AMN1: variants seen among roughly 807,000 people sequenced by gnomAD.
The protein encoded by AMN1 is protein AMN1 homolog.
In AMN1, 20 loss-of-function variants were observed where a neutral mutation model predicts 33.0. The ratio of observed to expected loss-of-function variants is 0.61; its 90% confidence interval spans 0.43 to 0.88. The LOEUF (loss-of-function observed/expected upper bound fraction) is 0.88. Among genes scored for constraint, AMN1 ranks in the 40% least tolerant of loss-of-function variants. The pLI is 0.00. For synonymous variants in AMN1, 114 were observed against 111.9 expected, an observed-to-expected ratio of 1.02 and a Z score of -0.12; for missense variants, 246 against 307.4, an observed-to-expected ratio of 0.80 and a Z score of 1.49.
At chr12:31,725,504 T>G (rs1156392865) in intron 1 of AMN1, among the ~76,000 whole-genome samples, 1 of 152,236 alleles carries the variant, frequency 6.6e-6, no homozygotes, top group Non-Finnish European at 1.5e-5. Context: ...GGTGAATTGA[T>G]CTAACAAATA....
chr12:31,708,511 TC>T (rs1224615534), intron 2 of AMN1: 2 of 152,856 alleles, frequency 1.3e-5, no homozygotes, highest in African/African-American at 4.8e-5. Context: ...TAGACCCTTA[TC>T]AGGAGTTCTG....
At chr12:31,684,597 A>G (rs1163911185) in intron 6 of AMN1, among the ~76,000 whole-genome samples, 2 of 151,670 alleles carry the variant, frequency 1.3e-5, no homozygotes, top group Non-Finnish European at 2.9e-5. Context: ...CAGCCTCCTG[A>G]ATAGCTGGGA....
intron 2 of AMN1, among the ~76,000 whole-genome samples, chr12:31,707,081 T>C (rs1376604227): frequency 6.6e-6 from 1 of 152,186 alleles, no homozygotes; most frequent in South Asian, 2.1e-4. Context: ...AAGAACAGTA[T>C]AGATGAGAAG....
At chr12:31,678,011 C>T (rs1276147314) in intron 6 of AMN1, among the ~76,000 whole-genome samples, 1 of 152,122 alleles carries the variant, frequency 6.6e-6, no homozygotes, top group Non-Finnish European at 1.5e-5. Context: ...CTGAACAGGC[C>T]TTGCTGGGTT....
At chr12:31,728,456 T>TA (rs1940170897) in intron 1 of AMN1, among the ~76,000 whole-genome samples, 1 of 152,206 alleles carries the variant, frequency 6.6e-6, no homozygotes, top group Admixed American at 6.5e-5. Flanking sequence ...AGGGAGAGGT[T>TA]ACGTTACCGG....
chr12:31,710,405 T>C (rs959196614), intron 1 of AMN1, among the ~76,000 whole-genome samples: 10 of 152,240 alleles, frequency 6.6e-5, no homozygotes, highest in African/African-American at 2.2e-4. Flanking sequence ...TGTGATCATA[T>C]ACCTGTGATT....
chr12:31,701,501 C>T lies in AMN1; in HGVS notation c.316+362G>A, dbSNP rs367839415. On this transcript the variant is annotated intron_variant, in intron 3 of 6. Coordinates refer to ENST00000281471, the MANE Select transcript of AMN1 (RefSeq NM_001113402.2). ...GTAGAGATGAGGTAGGGGTCGGGGG[C>T]GGTCCATCATGCTGGCCAGGCTGGC... 8.5e-5 allele frequency among the ~76,000 whole-genome samples: 13 copies of T among 152,082 alleles called. No individual in the cohort carries two copies. The East Asian group carries it at 1.6e-3, about 18-fold the overall frequency.
intron 6 of AMN1, among the ~76,000 whole-genome samples, chr12:31,677,828 T>C (rs1937802234): frequency 6.6e-6 from 1 of 152,108 alleles, no homozygotes; most frequent in African/African-American, 2.4e-5. Flanking sequence ...AAGGAAGACA[T>C]AAAACCTACA....
chr12:31,711,795 C>A (rs1229679759), intron 1 of AMN1, among the ~76,000 whole-genome samples: 1 of 152,148 alleles, frequency 6.6e-6, no homozygotes, highest in African/African-American at 2.4e-5. Context: ...CCCTACCCAT[C>A]TATTGAACAC....
At chr12:31,703,168 A>G (rs1166136860) in intron 2 of AMN1, among the ~76,000 whole-genome samples, 1 of 152,214 alleles carries the variant, frequency 6.6e-6, no homozygotes, top group African/African-American at 2.4e-5. Context: ...AGTAGCCAAC[A>G]TAAAGAACAT....
chr12:31,698,087 G>C, intron 3 of AMN1, 130 bp from the exon 4 acceptor site: 1 of 786,224 alleles, frequency 1.3e-6, no homozygotes, highest in South Asian at 1.8e-5. Flanking sequence ...CCACCTGTGA[G>C]GAAATACTGA....
At chr12:31,688,092 T>C (rs1023779900) in intron 6 of AMN1, among the ~76,000 whole-genome samples, 5 of 152,148 alleles carry the variant, frequency 3.3e-5, no homozygotes, top group Non-Finnish European at 5.9e-5. Flanking sequence ...GTAGCTGGGA[T>C]TACAGGTGCG....
chr12:31,693,808 C>G (rs1416917876), intron 5 of AMN1, among the ~76,000 whole-genome samples: 3 of 152,028 alleles, frequency 2.0e-5, no homozygotes, highest in African/African-American at 7.2e-5. Context: ...TCCCAAAGTG[C>G]TGGGATTACA....
At chr12:31,696,594 T>G (rs1938735795) in intron 5 of AMN1, among the ~76,000 whole-genome samples, 2 of 152,210 alleles carry the variant, frequency 1.3e-5, no homozygotes, top group African/African-American at 4.8e-5. Flanking sequence ...AGGTTACAAG[T>G]GCATTAGTGA....
rs562101616 is a variant in AMN1 at position 31,724,583 on chromosome 12, G to A, written c.38+4388C>T. Among the ~76,000 whole-genome samples, 35 of 152,120 alleles carry A rather than the reference G, an allele frequency of 2.3e-4. 1 individual carries two copies. The South Asian group carries it at 4.8e-3, about 21-fold the overall frequency. On this transcript the variant is annotated intron_variant, in intron 1 of 6. Transcript: ENST00000281471. Reference sequence around the variant, plus strand: ...TTGACTGCAGGTACCTGAAACTGCCGAAACAAAACAGCACATAAGGAGAGA... The same window carrying A: ...TTGACTGCAGGTACCTGAAACTGCCAAAACAAAACAGCACATAAGGAGAGA...
At chr12:31,682,963 C>CT (rs34868408) in intron 6 of AMN1, among the ~76,000 whole-genome samples, 9,475 of 137,814 alleles carry the variant, frequency 0.069, 663 homozygotes, top group East Asian at 0.18. Context: ...GTATGCTATT[C>CT]TTTTTTTTTT....
intron 5 of AMN1, among the ~76,000 whole-genome samples, chr12:31,697,037 C>T (rs1251715004): frequency 6.6e-6 from 1 of 152,028 alleles, no homozygotes; most frequent in East Asian, 1.9e-4. Flanking sequence ...GACCTGAAAT[C>T]CTATTATAAA....
At chr12:31,728,891 G>A (rs930224085) in intron 1 of AMN1, 80 bp downstream of exon 1, 5 of 1,461,432 alleles carry the variant, frequency 3.4e-6, no homozygotes, top group African/African-American at 2.8e-5. Flanking sequence ...AAGGGGCGGG[G>A]AGGAAGAGCA....
Position 31,709,390 on chromosome 12 carries a change from T to A in AMN1, c.74A>T (p.Tyr25Phe). 1 of 1,613,900 alleles carries A rather than the reference T, an allele frequency of 6.2e-7. No individual in the cohort carries two copies. ...AGGCAAAGGCTTAATGTCTGTGAGA[T>A]ATCTGGAAATATTCTTCATGAAGCA... is the stretch of plus-strand genomic sequence containing the variant. ...LWCFMKNISRYLTDIKPLPPN... is the reference protein window; with the variant it reads ...LWCFMKNISRFLTDIKPLPPN... The change falls in exon 2 of 7, where the codon TAT becomes TTT. Residue 25 changes from tyrosine (Y) to phenylalanine (F), a missense_variant. Physicochemically the swap from Tyr to Phe is conservative, Grantham distance 22 (BLOSUM62 3). Coordinates refer to ENST00000281471, the MANE Select transcript of AMN1 (RefSeq NM_001113402.2).
Sources: gnomAD v4.1 joint callset for allele counts (sites outside exome capture counted in the v4.1 genomes callset) on GRCh38, gnomAD v4.1.1 for gene constraint, MANE v1.5 for transcripts, NCBI Gene and HGNC (gene_info 2026-07-23, HGNC 2026-07-21) for gene names.